Variants in NAA11 observed in about 807,000 individuals in gnomAD.
NAA11 encodes N-alpha-acetyltransferase 11.
Under a neutral mutation model 16.1 loss-of-function variants are expected in NAA11, and 15 were observed. The ratio of observed to expected loss-of-function variants is 0.93; its 90% CI spans 0.62 to 1.44. The LOEUF (loss-of-function observed/expected upper bound fraction) is 1.44, where lower values mean the gene tolerates loss of function less well. Ranked by LOEUF, NAA11 falls within the 40% of genes most tolerant of loss-of-function variation. The probability of loss-of-function intolerance (pLI) is 0.00; values close to 1 mark genes in which losing one functional copy is unlikely to be tolerated. For missense variants in NAA11, 298 were observed against 291.3 expected (o/e 1.02, Z -0.17); for synonymous variants, 122 against 112.4 (o/e 1.09, Z -0.54).
chr4:79,193,977 T>A, the NAA11 span, among the ~76,000 whole-genome samples: 2 of 152,202 alleles, frequency 1.3e-5, no homozygotes, highest in Non-Finnish European at 2.9e-5. Flanking sequence ...TATTTTATTC[T>A]CTTTGAAGCA....
downstream of NAA11, among the ~76,000 whole-genome samples, chr4:79,312,411 G>C (rs1723798274): frequency 6.6e-6 from 1 of 152,048 alleles, no homozygotes; most frequent in South Asian, 2.1e-4. Context: ...AGCACTTTGG[G>C]AGGCCAAAGC....
downstream of NAA11, among the ~76,000 whole-genome samples, chr4:79,312,962 TTGAG>T (rs1723822810): frequency 6.6e-6 from 1 of 152,244 alleles, no homozygotes. Flanking sequence ...GTAACTTTTA[TTGAG>T]TCTTTTCTTT....
intron 1 of NAA11, chr4:79,306,816 C>G (rs1389563913): frequency 6.6e-6 from 1 of 152,120 alleles, no homozygotes; most frequent in Non-Finnish European, 1.5e-5. Flanking sequence ...AATATTTTTT[C>G]ATTATTGCTC....
At chr4:79,175,274 T>C in the NAA11 span, among the ~76,000 whole-genome samples, 1 of 152,142 alleles carries the variant, frequency 6.6e-6, no homozygotes, top group African/African-American at 2.4e-5. Flanking sequence ...GTATTTCTAC[T>C]AGCAGTGAAT....
the NAA11 span, among the ~76,000 whole-genome samples, chr4:79,190,249 G>C: frequency 1.3e-5 from 2 of 152,044 alleles, no homozygotes; most frequent in African/African-American, 2.4e-5. Context: ...GAAAAAAAAG[G>C]TTCTTAATCT....
At chr4:79,252,163 T>G (rs1197657936) in intron 2 of NAA11, among the ~76,000 whole-genome samples, 1 of 152,162 alleles carries the variant, frequency 6.6e-6, no homozygotes, top group Non-Finnish European at 1.5e-5. Context: ...AGTGCAATGA[T>G]AGACAATTTA....
chr4:79,161,026 C>A, the NAA11 span, among the ~76,000 whole-genome samples: 26 of 152,234 alleles, frequency 1.7e-4, 1 homozygote, highest in East Asian at 4.2e-3. Flanking sequence ...TCCAAGATTA[C>A]AAGGATTTAG....
chr4:79,246,347 G>A (rs1251063559), intron 2 of NAA11, among the ~76,000 whole-genome samples: 5 of 122,176 alleles, frequency 4.1e-5, no homozygotes, highest in South Asian at 2.7e-4. Context: ...CCCTCTCTCC[G>A]AGAAACACCC....
the NAA11 span, among the ~76,000 whole-genome samples, chr4:79,183,503 A>G: frequency 3.9e-5 from 6 of 152,184 alleles, no homozygotes; most frequent in African/African-American, 1.4e-4. Flanking sequence ...TTCCCCATGT[A>G]TTAACAATTA....
At chr4:79,220,876 T>G (rs1170745777), downstream of NAA11, among the ~76,000 whole-genome samples, 1 of 152,132 alleles carries the variant, frequency 6.6e-6, no homozygotes, top group African/African-American at 2.4e-5. Context: ...TGGTTCCATA[T>G]GAAATTTAAA....
chr4:79,206,826 G>A, the NAA11 span, among the ~76,000 whole-genome samples: 1 of 152,084 alleles, frequency 6.6e-6, no homozygotes, highest in Non-Finnish European at 1.5e-5. Flanking sequence ...CTGCTAGCAA[G>A]TGTACCCTTT....
intron 2 of NAA11, among the ~76,000 whole-genome samples, chr4:79,235,224 C>T (rs1459386689): frequency 6.6e-6 from 1 of 152,134 alleles, no homozygotes; most frequent in East Asian, 1.9e-4. Context: ...GGGACATAAG[C>T]CCTAGAGTTG....
the NAA11 span, among the ~76,000 whole-genome samples, chr4:79,169,544 G>T: frequency 1.3e-5 from 2 of 152,134 alleles, no homozygotes; most frequent in Non-Finnish European, 2.9e-5. Flanking sequence ...GGTAAAACTG[G>T]CTAGCCATAT....
At chr4:79,301,351 T>C (rs2110002110) in intron 1 of NAA11, among the ~76,000 whole-genome samples, 1 of 152,328 alleles carries the variant, frequency 6.6e-6, no homozygotes, top group African/African-American at 2.4e-5. Context: ...GTTCCTTGAA[T>C]AGTCCTGTGC....
At chr4:79,224,415 A>C (rs1291232380), downstream of NAA11, among the ~76,000 whole-genome samples, 2 of 152,156 alleles carry the variant, frequency 1.3e-5, no homozygotes, top group East Asian at 3.9e-4. Context: ...GTTTAGTGGC[A>C]GCAACAGAGT....
chr4:79,225,185 G>T (rs1455088582), downstream of NAA11, among the ~76,000 whole-genome samples: 1 of 152,022 alleles, frequency 6.6e-6, no homozygotes, highest in Non-Finnish European at 1.5e-5. Flanking sequence ...GAAACTCAAT[G>T]TGGGGTAGAT....
chr4:79,250,456 CT>C (rs1721969516), intron 2 of NAA11, among the ~76,000 whole-genome samples: 2 of 152,218 alleles, frequency 1.3e-5, no homozygotes, highest in Admixed American at 6.5e-5. Flanking sequence ...TAGACCCCTT[CT>C]TTATACCATA....
Position 79,285,468 on chromosome 4 carries a change from T to G in NAA11, c.*122+8537A>C, listed in dbSNP as rs1462705278. On this transcript the variant is annotated intron_variant and NMD_transcript_variant, in intron 2 of 2. Coordinates refer to the NAA11 transcript ENST00000511542. Reference sequence around the variant, plus strand: ...TGCAATACCTAAATAAGATATTCACTTAACTTTCACTATTGTTAAATGCAC... The same window carrying G: ...TGCAATACCTAAATAAGATATTCACGTAACTTTCACTATTGTTAAATGCAC... Among the ~76,000 whole-genome samples the G allele has an allele frequency of 2.0e-5, 3 of 152,240 alleles. No individual in the cohort carries two copies. In the East Asian group the frequency reaches 5.8e-4, roughly 29 times the overall value.
the NAA11 span, among the ~76,000 whole-genome samples, chr4:79,194,233 T>G: frequency 6.6e-6 from 1 of 152,148 alleles, no homozygotes; most frequent in African/African-American, 2.4e-5. Context: ...ATAGGAATAG[T>G]ATTGAATCTA....
Sources: allele counts gnomAD v4.1 joint callset (sites outside exome capture counted in the v4.1 genomes callset), GRCh38; gene constraint gnomAD v4.1.1; transcripts MANE v1.5; gene names NCBI Gene and HGNC (gene_info 2026-07-23, HGNC 2026-07-21).